GRIA1: variants seen among roughly 807,000 people sequenced by gnomAD.
The protein encoded by GRIA1 is glutamate ionotropic receptor AMPA type subunit 1.
Under a neutral mutation model 99.2 loss-of-function variants are expected in GRIA1, and 31 were observed. The observed-to-expected ratio is 0.31, with a 90% CI of 0.23 to 0.42. GRIA1 has a LOEUF of 0.42. Among genes scored for constraint, GRIA1 ranks in the 10% least tolerant of loss-of-function variants. The pLI is 1.00. For synonymous variants in GRIA1, 438 were observed against 432.4 expected, an observed-to-expected ratio of 1.01 and a Z score of -0.16; for missense variants, 782 against 1,157.5, an observed-to-expected ratio of 0.68 and a Z score of 4.71.
At position 153,714,176 on chromosome 5, in the gene GRIA1, C is replaced by A. The variant is rs527718677; in HGVS notation, c.1823+8109C>A. ...GTGTCAGCTAGAGAGGATAGCTCCCCCTCGGCTCTGGATAGTCATTGCCAT... is the reference window on the plus strand; with the variant it reads ...GTGTCAGCTAGAGAGGATAGCTCCCACTCGGCTCTGGATAGTCATTGCCAT... On this transcript the variant is annotated intron_variant, in intron 11 of 15. Transcript: ENST00000285900. Among the ~76,000 whole-genome samples, 7 of 152,186 alleles carry A rather than the reference C, an allele frequency of 4.6e-5. No individual in the cohort carries two copies. In the South Asian group the frequency reaches 1.5e-3, roughly 32 times the overall value.
chr5:153,701,639 A>AAAAAAAAAAAAAAAAAAAAAAAAC (rs1758534481), intron 10 of GRIA1, among the ~76,000 whole-genome samples: 1 of 149,642 alleles, frequency 6.7e-6, no homozygotes, highest in Non-Finnish European at 1.5e-5. Flanking sequence ...AAAAAAAAAA[A>AAAAAAAAAAAAAAAAAAAAAAAAC]AAATACTATG....
rs775358408 is a variant in GRIA1, at chr5:153,770,325, A to C, written c.2180A>C (p.Glu727Ala). 1 of 1,614,046 alleles carries C rather than the reference A, an allele frequency of 6.2e-7. No homozygotes were observed. The change falls in exon 13 of 16, where the codon GAG (glutamate) becomes GCG (alanine). Residue 727 changes from glutamate (E) to alanine (A), a missense_variant. Transcript: ENST00000285900. Reference sequence around the variant, plus strand: ...GAGTCCACCATGAATGAGTACATTGAGCAGCGGAAACCCTGTGACACCATG... The same window carrying C: ...GAGTCCACCATGAATGAGTACATTGCGCAGCGGAAACCCTGTGACACCATG... ...LLESTMNEYIEQRKPCDTMKV... is the reference protein window; with the variant it reads ...LLESTMNEYIAQRKPCDTMKV...
chr5:153,658,997 C>CAACCA (rs1561738589), intron 5 of GRIA1, among the ~76,000 whole-genome samples: 1 of 141,432 alleles, frequency 7.1e-6, no homozygotes, highest in Non-Finnish European at 1.6e-5. Flanking sequence ...AACAAACAAA[C>CAACCA]AAAAAAAAAA....
rs549637217 is a variant in GRIA1, at chr5:153,726,038, G to A, written c.1823+19971G>A. Among the ~76,000 whole-genome samples, 288 of 150,920 alleles carry A rather than the reference G, an allele frequency of 1.9e-3. 1 individual carries two copies. The highest frequency in any genetic ancestry group is 6.2e-3 in the South Asian group (29 of 4,710). On this transcript the variant is annotated intron_variant, in intron 11 of 15. Coordinates refer to ENST00000285900, the MANE Select transcript of GRIA1 (RefSeq NM_000827.4). ...AAAAGAACAGAAATTATAACAAACTGTCTCTCAGACCACAGTGCAATCAAA... is the reference window on the plus strand; with the variant it reads ...AAAAGAACAGAAATTATAACAAACTATCTCTCAGACCACAGTGCAATCAAA...
intron 5 of GRIA1, among the ~76,000 whole-genome samples, chr5:153,666,039 C>G (rs762325800): frequency 6.6e-6 from 1 of 152,196 alleles, no homozygotes; most frequent in Non-Finnish European, 1.5e-5. Context: ...CTCCCTAAAA[C>G]TCTTTTCCTG....
Position 153,577,154 on chromosome 5 carries a change from T to TTGGA in GRIA1, c.221-69730_221-69727dup, listed in dbSNP as rs35199031. Among the ~76,000 whole-genome samples the TTGGA allele has an allele frequency of 7.1e-3, 855 of 120,072 alleles. 20 individuals carry two copies. The highest frequency in any genetic ancestry group is 0.023 in the African/African-American group (787 of 33,798). 78.8% of individuals were successfully genotyped at this position (120,072 alleles called of 152,430 possible). ...GGTGGATGGATGGATGGATGGATGG[T>TTGGA]TGGATGGATGGATGGATGGATGGAT... On this transcript the variant is annotated intron_variant, in intron 2 of 15. Coordinates refer to ENST00000285900, the MANE Select transcript of GRIA1 (RefSeq NM_000827.4).
At chr5:153,723,219 G>A (rs970499905) in intron 11 of GRIA1, among the ~76,000 whole-genome samples, 1 of 152,240 alleles carries the variant, frequency 6.6e-6, no homozygotes, top group African/African-American at 2.4e-5. Context: ...AAAGCTGTGG[G>A]TTGCATCATC....
In GRIA1 at chr5:153,738,606, C is replaced by A. The variant is rs145635699; in HGVS notation, c.1824-25828C>A. On this transcript the variant is annotated intron_variant, in intron 11 of 15. Coordinates refer to ENST00000285900, the MANE Select transcript of GRIA1 (RefSeq NM_000827.4). ...CAATCTTCAAATAGAAATTCTACCT[C>A]CTGATTCCATTTGGGTTTGTTCATT... 2.9e-3 allele frequency among the ~76,000 whole-genome samples: 447 copies of A among 152,134 alleles called. 3 individuals carry two copies. The highest frequency in any genetic ancestry group is 0.01 in the African/African-American group (417 of 41,496).
intron 5 of GRIA1, among the ~76,000 whole-genome samples, chr5:153,667,101 G>A (rs774731658): frequency 2.0e-5 from 3 of 152,162 alleles, no homozygotes; most frequent in Non-Finnish European, 2.9e-5. Context: ...GGGGAAACTT[G>A]GCATGTTCAA....
intron 2 of GRIA1, among the ~76,000 whole-genome samples, chr5:153,572,597 G>T (rs577466010): frequency 1.3e-5 from 2 of 152,314 alleles, no homozygotes; most frequent in South Asian, 2.1e-4. Context: ...AAGTGCCAGG[G>T]TGTTGACAGG....
chr5:153,769,781 A>G (rs958654482), intron 12 of GRIA1, among the ~76,000 whole-genome samples: 1 of 152,048 alleles, frequency 6.6e-6, no homozygotes, highest in Admixed American at 6.6e-5. Context: ...TAATGAAATC[A>G]GATTCCACTG....
chr5:153,664,576 T>C lies in GRIA1; in HGVS notation c.699+8704T>C, dbSNP rs147356710. Among the ~76,000 whole-genome samples the C allele has an allele frequency of 4.8e-3, 724 of 152,178 alleles. 6 individuals are homozygous for C. Among genetic ancestry groups the C allele is most frequent in the Middle Eastern group, 0.024 (7 of 294 alleles). On this transcript the variant is annotated intron_variant, in intron 5 of 15. Transcript: ENST00000285900. ...CTTCCCTGAGCTCCAAGATCAAGTT[T>C]GGGTCCACTCATTTTGCTCTATAAT...
At chr5:153,518,802 C>G (rs80074125) in intron 2 of GRIA1, among the ~76,000 whole-genome samples, 2 of 151,992 alleles carry the variant, frequency 1.3e-5, no homozygotes, top group African/African-American at 4.8e-5. Flanking sequence ...GGAGATACTG[C>G]GAGGTTCAAA....
chr5:153,633,574 C>T (rs948531699), intron 2 of GRIA1, among the ~76,000 whole-genome samples: 4 of 152,112 alleles, frequency 2.6e-5, no homozygotes, highest in African/African-American at 9.7e-5. Context: ...GAGTTTTGGT[C>T]CCTGGGCTGG....
chr5:153,771,952 A>G (rs1000189599), intron 13 of GRIA1, among the ~76,000 whole-genome samples: 1 of 152,174 alleles, frequency 6.6e-6, no homozygotes, highest in Admixed American at 6.5e-5. Context: ...TGAAAAGAAA[A>G]TGTAACACAG....
At chr5:153,614,068 C>T (rs1331378569) in intron 2 of GRIA1, among the ~76,000 whole-genome samples, 1 of 152,190 alleles carries the variant, frequency 6.6e-6, no homozygotes, top group African/African-American at 2.4e-5. Context: ...TACATAGGTG[C>T]ACACACCTTC....
At chr5:153,625,145 G>A (rs1767472788) in intron 2 of GRIA1, among the ~76,000 whole-genome samples, 1 of 152,064 alleles carries the variant, frequency 6.6e-6, no homozygotes, top group Admixed American at 6.6e-5. Flanking sequence ...GCTTAGCTGT[G>A]TGCTCTCGTG....
At chr5:153,659,611 T>C (rs368739124) in intron 5 of GRIA1, among the ~76,000 whole-genome samples, 1 of 152,178 alleles carries the variant, frequency 6.6e-6, no homozygotes, top group Non-Finnish European at 1.5e-5. Context: ...ACAGAGGACC[T>C]GTGGACCTCT....
intron 13 of GRIA1, 127 bp downstream of exon 13, chr5:153,770,542 C>G (rs558693648): frequency 1.2e-6 from 1 of 863,242 alleles, no homozygotes; most frequent in African/African-American, 1.7e-5. Flanking sequence ...TTCTTCAACA[C>G]CTATGGGCCT....
Sources: gnomAD v4.1 joint callset for allele counts (sites outside exome capture counted in the v4.1 genomes callset) on GRCh38, gnomAD v4.1.1 for gene constraint, MANE v1.5 for transcripts, NCBI Gene and HGNC (gene_info 2026-07-23, HGNC 2026-07-21) for gene names.